The following PAK5 variants were observed in gnomAD, a reference collection of about 807,000 sequenced individuals.
PAK5 encodes serine/threonine-protein kinase PAK 5.
Under a neutral mutation model 65.9 loss-of-function variants are expected in PAK5, and 16 were observed. The observed-to-expected ratio is 0.24, with a 90% CI of 0.16 to 0.37. PAK5 has a LOEUF of 0.37. Among genes scored for constraint, PAK5 ranks in the 10% least tolerant of loss-of-function variants. The pLI is 1.00. For missense variants in PAK5, 785 were observed against 903.9 expected, an observed-to-expected ratio of 0.87 and a Z score of 1.69; for synonymous variants, 371 against 354.9, an observed-to-expected ratio of 1.05 and a Z score of -0.51.
chr20:9,662,754 C>CATT (rs2047363356), intron 2 of PAK5, among the ~76,000 whole-genome samples: 1 of 152,094 alleles, frequency 6.6e-6, no homozygotes, highest in Non-Finnish European at 1.5e-5. Flanking sequence ...TAACAATGGG[C>CATT]ATTACTCTAA....
chr20:9,808,638 G>C (rs2049261001), intron 1 of PAK5, among the ~76,000 whole-genome samples: 1 of 152,162 alleles, frequency 6.6e-6, no homozygotes, highest in Non-Finnish European at 1.5e-5. Context: ...AATAAGTACT[G>C]TATGATTCCA....
chr20:9,691,540 CA>C (rs2047797799), intron 2 of PAK5, among the ~76,000 whole-genome samples: 1 of 152,126 alleles, frequency 6.6e-6, no homozygotes. Flanking sequence ...AACCTTATTC[CA>C]GATAGGCTCT....
At chr20:9,817,810 A>G (rs774634029) in intron 1 of PAK5, among the ~76,000 whole-genome samples, 8 of 152,152 alleles carry the variant, frequency 5.3e-5, no homozygotes, top group Non-Finnish European at 8.8e-5. Context: ...GCCTTTGCAC[A>G]CACTCTATGA....
intron 1 of PAK5, among the ~76,000 whole-genome samples, chr20:9,717,934 C>T (rs1256281071): frequency 6.6e-6 from 1 of 152,030 alleles, no homozygotes; most frequent in African/African-American, 2.4e-5. Context: ...TTTTGTACTT[C>T]ATTTAAATAG....
rs372294627 is a variant in PAK5, at chr20:9,672,750, G to T, written c.-11-28411C>A. ...CTAAAAAGCAAAAAGTTGAAAATAA[G>T]TATCTGTTCAATCTCAGAATTACAA... is the stretch of plus-strand genomic sequence containing the variant. On this transcript the variant is annotated intron_variant, in intron 2 of 9. Transcript: ENST00000353224. Among the ~76,000 whole-genome samples, 333 of 152,236 alleles carry T rather than the reference G, an allele frequency of 2.2e-3. 2 individuals are homozygous for T. Among genetic ancestry groups the T allele is most frequent in the African/African-American group, 7.7e-3 (320 of 41,542 alleles).
chr20:9,621,971 C>A (rs1315192000), intron 3 of PAK5, among the ~76,000 whole-genome samples: 2 of 152,228 alleles, frequency 1.3e-5, no homozygotes, highest in African/African-American at 4.8e-5. Flanking sequence ...CACTCTCCTG[C>A]CTACCTTATT....
intron 5 of PAK5, 52 bp downstream of exon 5, chr20:9,565,841 G>C: frequency 6.5e-7 from 1 of 1,531,242 alleles, no homozygotes; most frequent in South Asian, 1.2e-5. Flanking sequence ...CTTTTGAAAT[G>C]GGAAATAAAT....
In PAK5 at chr20:9,580,656, T is replaced by A; in HGVS notation, c.479A>T (p.Tyr160Phe). The A allele has an allele frequency of 6.2e-7, 1 of 1,614,142 alleles. No individual in the cohort carries two copies. Among genetic ancestry groups the A allele is most frequent in the Non-Finnish European group, 8.5e-7 (1 of 1,180,026 alleles). ...TTGCTTGGCTGCGTGGCTGCCTCTATAATACGGATCCAGATCATCTCCATA... is the reference window on the plus strand; with the variant it reads ...TTGCTTGGCTGCGTGGCTGCCTCTAAAATACGGATCCAGATCATCTCCATA... Reference protein sequence around the residue: ...SLYGDDLDPYYRGSHAAKQNG... With the variant: ...SLYGDDLDPYFRGSHAAKQNG... The change falls in exon 4 of 10, where the codon TAT (tyrosine) becomes TTT (phenylalanine). Residue 160 changes from tyrosine (Y) to phenylalanine (F), a missense_variant. Transcript: ENST00000353224.
intron 1 of PAK5, among the ~76,000 whole-genome samples, chr20:9,730,461 A>G (rs1175566878): frequency 1.3e-5 from 2 of 152,202 alleles, no homozygotes; most frequent in Admixed American, 1.3e-4. Flanking sequence ...CAATTCTCTC[A>G]GTTACATAAG....
At chr20:9,565,792 C>A in intron 5 of PAK5, 101 bp downstream of exon 5, 2 of 1,215,856 alleles carry the variant, frequency 1.6e-6, no homozygotes, top group Non-Finnish European at 2.3e-6. Context: ...TTTATATTTT[C>A]AGTGCTTTTC....
At chr20:9,770,075 T>C (rs1443499855) in intron 1 of PAK5, among the ~76,000 whole-genome samples, 3 of 151,994 alleles carry the variant, frequency 2.0e-5, no homozygotes, top group Non-Finnish European at 4.4e-5. Flanking sequence ...AAATAGAGCT[T>C]ATGTGTATGA....
intron 1 of PAK5, among the ~76,000 whole-genome samples, chr20:9,746,392 T>A (rs2048508433): frequency 6.6e-6 from 1 of 150,542 alleles, no homozygotes; most frequent in African/African-American, 2.4e-5. Context: ...GTACCAAATC[T>A]CTAACTTTTT....
intron 1 of PAK5, among the ~76,000 whole-genome samples, chr20:9,714,204 C>T (rs370270639): frequency 3.9e-5 from 6 of 152,094 alleles, no homozygotes; most frequent in African/African-American, 1.4e-4. Context: ...TTAATTATTG[C>T]TCCTCCAATT....
intron 2 of PAK5, among the ~76,000 whole-genome samples, chr20:9,667,269 C>T (rs1275129063): frequency 6.6e-6 from 1 of 152,042 alleles, no homozygotes; most frequent in Non-Finnish European, 1.5e-5. Flanking sequence ...AAGAGCAGAA[C>T]TCCATGTCAA....
intron 3 of PAK5, among the ~76,000 whole-genome samples, chr20:9,591,788 C>G (rs1160328224): frequency 6.6e-6 from 1 of 151,860 alleles, no homozygotes; most frequent in Non-Finnish European, 1.5e-5. Context: ...TTAAATTTAG[C>G]CAAGAAAAAT....
intron 2 of PAK5, among the ~76,000 whole-genome samples, chr20:9,673,627 T>C (rs1437899338): frequency 6.6e-6 from 1 of 152,238 alleles, no homozygotes; most frequent in East Asian, 1.9e-4. Context: ...TACTATTATT[T>C]ATCTGGTTGA....
At chr20:9,765,809 T>C (rs1345811192) in intron 1 of PAK5, among the ~76,000 whole-genome samples, 5 of 152,178 alleles carry the variant, frequency 3.3e-5, no homozygotes, top group African/African-American at 1.2e-4. Flanking sequence ...GAGAGGAAAT[T>C]AGATACAGGA....
chr20:9,816,466 G>T (rs2049358589), intron 1 of PAK5, among the ~76,000 whole-genome samples: 1 of 152,090 alleles, frequency 6.6e-6, no homozygotes, highest in African/African-American at 2.4e-5. Context: ...CAGCAGCCTG[G>T]GTAAAGTGAA....
At chr20:9,652,446 C>A (rs1480720666) in intron 2 of PAK5, among the ~76,000 whole-genome samples, 2 of 152,120 alleles carry the variant, frequency 1.3e-5, no homozygotes, top group Non-Finnish European at 2.9e-5. Context: ...AAAAAAAAAT[C>A]ATTATGTGTC....
Sources: gnomAD v4.1 joint callset for allele counts (sites outside exome capture counted in the v4.1 genomes callset) on GRCh38, gnomAD v4.1.1 for gene constraint, MANE v1.5 for transcripts, NCBI Gene and HGNC (gene_info 2026-07-23, HGNC 2026-07-21) for gene names.